Variants in SPTBN1 observed in about 807,000 individuals in gnomAD.
SPTBN1 encodes spectrin beta chain, non-erythrocytic 1.
SPTBN1 carries 32 observed loss-of-function variants against 266.4 expected under a neutral mutation model. The ratio of observed to expected loss-of-function variants is 0.12; its 90% CI spans 0.09 to 0.16. The LOEUF (loss-of-function observed/expected upper bound fraction) is 0.16, where lower values mean the gene tolerates loss of function less well. Among genes scored for constraint, SPTBN1 ranks in the 10% least tolerant of loss-of-function variants. SPTBN1 has a pLI of 1.00. For synonymous variants in SPTBN1, 1,336 were observed against 1,162.2 expected (o/e 1.15, Z -3.04); for missense variants, 2,296 against 3,067.1 (o/e 0.75, Z 5.94).
Position 54,558,116 on chromosome 2 carries a change from T to C in SPTBN1, c.148+31550T>C, listed in dbSNP as rs1673001639. The C allele has an allele frequency of 2.0e-6, 2 of 985,220 alleles. No homozygotes were observed. The highest frequency in any genetic ancestry group is 2.4e-6 in the Non-Finnish European group (2 of 829,904). The allele number at this position is 985,220 out of a possible 1,614,324, so 61.0% of individuals were successfully genotyped here. A position where few individuals can be genotyped will look rare whatever the true frequency, so the allele number is the denominator to read the frequency against. ...CCGTTACATGAGGCTCAACAAAAGATTGTAATTCCAGCAGCTCTGTTTGGG... is the reference window on the plus strand; with the variant it reads ...CCGTTACATGAGGCTCAACAAAAGACTGTAATTCCAGCAGCTCTGTTTGGG... On this transcript the variant is annotated intron_variant, in intron 2 of 35. Coordinates refer to ENST00000356805, the MANE Select transcript of SPTBN1 (RefSeq NM_003128.3). The surrounding 1 kb of genome is among the most constrained non-coding windows in gnomAD (Gnocchi z 4.6).
At chr2:54,516,359 A>G (rs548893870) in intron 1 of SPTBN1, 47 of 152,270 alleles carry the variant, frequency 3.1e-4, no homozygotes, top group African/African-American at 1.1e-3. Context: ...ATCCTCCCAA[A>G]ATGTAATTTT....
intron 18 of SPTBN1, among the ~76,000 whole-genome samples, chr2:54,640,903 G>A (rs1481463172): frequency 1.3e-5 from 2 of 152,144 alleles, no homozygotes; most frequent in Non-Finnish European, 2.9e-5. Context: ...TGATTTTAAA[G>A]GTATTCCTTT....
intron 2 of SPTBN1, among the ~76,000 whole-genome samples, chr2:54,553,431 T>A (rs1672692839): frequency 6.6e-6 from 1 of 152,194 alleles, no homozygotes; most frequent in Non-Finnish European, 1.5e-5. Flanking sequence ...GCAGCATAAA[T>A]GCAGTGGCAT....
chr2:54,661,959 A>T, intron 32 of SPTBN1: 3 of 985,448 alleles, frequency 3.0e-6, no homozygotes, highest in Non-Finnish European at 3.6e-6. Context: ...ATGAGAAGAA[A>T]AAGTATTTTT....
chr2:54,631,319 C>G lies in SPTBN1; in HGVS notation c.3272C>G (p.Pro1091Arg). The G allele has an allele frequency of 6.2e-7, 1 of 1,614,264 alleles. No homozygotes were observed. Among genetic ancestry groups the G allele is most frequent in the Non-Finnish European group, 8.5e-7 (1 of 1,180,048 alleles). Residue 1091 changes from proline (P) to arginine (R), a missense_variant, in exon 16 of 36, where the codon CCA becomes CGA. Transcript: ENST00000356805. The stretch of plus-strand genomic sequence containing the variant: ...ACAGCGATCGCCTCGGAGGACATGC[C>G]AAACACCCTGACCGAGGCTGAGAAG... ...TQTAIASEDM[P>R]NTLTEAEKLL...
At chr2:54,667,759 T>C in intron 35 of SPTBN1, 113 bp downstream of exon 35, 6 of 954,824 alleles carry the variant, frequency 6.3e-6, no homozygotes, top group Non-Finnish European at 9.9e-6. Flanking sequence ...TGATGGTTTC[T>C]ATCACTGGGC....
At chr2:54,589,351 C>G (rs1675514053) in intron 2 of SPTBN1, among the ~76,000 whole-genome samples, 1 of 152,182 alleles carries the variant, frequency 6.6e-6, no homozygotes, top group African/African-American at 2.4e-5. Flanking sequence ...GGTCTCCTCT[C>G]AGAAGTTGTG....
chr2:54,513,537 G>A (rs1202167547), intron 1 of SPTBN1, among the ~76,000 whole-genome samples: 1 of 152,132 alleles, frequency 6.6e-6, no homozygotes, highest in Non-Finnish European at 1.5e-5. Context: ...ATTCAGGACT[G>A]GTATTTTGGC....
At chr2:54,556,744 C>T (rs541248940) in intron 2 of SPTBN1, among the ~76,000 whole-genome samples, 1 of 152,132 alleles carries the variant, frequency 6.6e-6, no homozygotes, top group African/African-American at 2.4e-5. Flanking sequence ...AGAATATACT[C>T]TTAATTTTGA....
At chr2:54,524,895 C>T (rs1337547229) in intron 1 of SPTBN1, among the ~76,000 whole-genome samples, 1 of 152,188 alleles carries the variant, frequency 6.6e-6, no homozygotes, top group African/African-American at 2.4e-5. Flanking sequence ...AGGACCCACT[C>T]GAGAGGCCTT....
chr2:54,551,254 A>ATTCTCAAAT, intron 2 of SPTBN1, among the ~76,000 whole-genome samples: 1 of 152,232 alleles, frequency 6.6e-6, no homozygotes. Flanking sequence ...GGTGAAAAGC[A>ATTCTCAAAT]GAACCAAGAA....
intron 5 of SPTBN1, among the ~76,000 whole-genome samples, chr2:54,617,144 A>G (rs544798327): frequency 1.1e-4 from 17 of 152,348 alleles, no homozygotes; most frequent in Admixed American, 2.0e-4. Context: ...TACTTTTACA[A>G]ACTTCATCCA....
At chr2:54,607,207 G>A (rs954652155) in intron 3 of SPTBN1, among the ~76,000 whole-genome samples, 2 of 152,164 alleles carry the variant, frequency 1.3e-5, no homozygotes, top group African/African-American at 2.4e-5. Flanking sequence ...TATTCAAGGG[G>A]AAGAACAATG....
At chr2:54,654,350 T>G (rs1680507657) in intron 27 of SPTBN1, among the ~76,000 whole-genome samples, 1 of 152,190 alleles carries the variant, frequency 6.6e-6, no homozygotes. Flanking sequence ...TTATTTAATA[T>G]TTGTCCTATA....
In SPTBN1 at chr2:54,624,907, G is replaced by A. The variant is rs1481692149; in HGVS notation, c.1286G>A (p.Arg429His). 3 of 1,613,736 alleles carry A rather than the reference G, an allele frequency of 1.9e-6. No homozygotes were observed. The highest frequency in any genetic ancestry group is 2.5e-6 in the Non-Finnish European group (3 of 1,179,896). The change falls in exon 11 of 36, where the codon CGC becomes CAC. Residue 429 changes from arginine to histidine, a missense_variant. Transcript: ENST00000356805. ...GAACAGCTCGCCCGCAGATTTGATC[G>A]CAAGGCAGCTATGAGGGAGACTTGG... The part of the protein sequence containing the change: ...KLEQLARRFD[R>H]KAAMRETWLS...
In SPTBN1 at chr2:54,596,675, G is replaced by T. The variant is rs373809744; in HGVS notation, c.149-2417G>T. 1.3e-4 allele frequency among the ~76,000 whole-genome samples: 20 copies of T among 152,258 alleles called. 1 individual carries two copies. The highest frequency in any genetic ancestry group is 1.2e-3 in the South Asian group (6 of 4,822). ...AGAGAGGGCAGGAACACAAGAGCTT[G>T]TTTTTTTATTTTTGACATCTCTTCC... is the stretch of plus-strand genomic sequence containing the variant. On this transcript the variant is annotated intron_variant, in intron 2 of 35. Coordinates refer to ENST00000356805, the MANE Select transcript of SPTBN1 (RefSeq NM_003128.3).
Position 54,623,604 on chromosome 2 carries a change from G to A in SPTBN1, c.1182+8G>A. ...ATCTCTGACATCAACAAGGTAAAGT[G>A]GATCTGGACTCTGCATGGGCCCTGA... On this transcript the variant is annotated splice_region_variant and intron_variant, in intron 10 of 35. Coordinates refer to ENST00000356805, the MANE Select transcript of SPTBN1 (RefSeq NM_003128.3). 6.2e-7 allele frequency: 1 copy of A among 1,609,636 alleles called. No homozygotes were observed. The highest frequency in any genetic ancestry group is 8.5e-7 in the Non-Finnish European group (1 of 1,176,558).
At chr2:54,523,307 T>C (rs1444585981) in intron 1 of SPTBN1, among the ~76,000 whole-genome samples, 3 of 152,220 alleles carry the variant, frequency 2.0e-5, no homozygotes, top group African/African-American at 7.2e-5. Flanking sequence ...TTAATTGAGA[T>C]TGAGTATGTC....
At chr2:54,536,955 C>T (rs1449043879) in intron 2 of SPTBN1, among the ~76,000 whole-genome samples, 1 of 152,186 alleles carries the variant, frequency 6.6e-6, no homozygotes, top group East Asian at 1.9e-4. Context: ...ATTGCTTCAG[C>T]CCAGGAGGCT....
Sources: allele counts gnomAD v4.1 joint callset (sites outside exome capture counted in the v4.1 genomes callset), GRCh38; gene constraint gnomAD v4.1.1; non-coding constraint Gnocchi (gnomAD v3.1); transcripts MANE v1.5; gene names NCBI Gene and HGNC (gene_info 2026-07-23, HGNC 2026-07-21).